Variants in TPO observed in about 807,000 individuals in gnomAD.
TPO encodes thyroid microsomal antigen.
Under a neutral mutation model 96.9 loss-of-function variants are expected in TPO, and 78 were observed. The observed-to-expected ratio is 0.81, with a 90% confidence interval of 0.67 to 0.97. The LOEUF is 0.97. Among genes scored for constraint, TPO ranks in the 50% least tolerant of loss-of-function variants. The pLI is 0.00. For missense variants in TPO, 1,252 were observed against 1,274.8 expected (o/e 0.98, Z 0.27); for synonymous variants, 547 against 538.0 (o/e 1.02, Z -0.23).
chr2:1,379,331 TGAACATAA>T (rs1476418529), intron 1 of TPO, among the ~76,000 whole-genome samples: 2 of 152,076 alleles, frequency 1.3e-5, no homozygotes, highest in Admixed American at 1.3e-4. Context: ...GCAAGGAGAT[TGAACATAA>T]GAGTGAGTGA....
chr2:1,422,837 G>C (rs1269688149), intron 2 of TPO, among the ~76,000 whole-genome samples: 1 of 152,164 alleles, frequency 6.6e-6, no homozygotes, highest in African/African-American at 2.4e-5. Flanking sequence ...CATCCTCCAG[G>C]CAGCTCCGTG....
intron 15 of TPO, among the ~76,000 whole-genome samples, chr2:1,540,224 C>T (rs769511950): frequency 3.9e-5 from 6 of 152,086 alleles, no homozygotes; most frequent in Non-Finnish European, 7.3e-5. Flanking sequence ...GGATGGCGCC[C>T]GACCCAGGAA....
intron 9 of TPO, 151 bp downstream of exon 9, chr2:1,485,005 C>A: frequency 1.6e-6 from 2 of 1,274,380 alleles, no homozygotes; most frequent in South Asian, 1.4e-5. Flanking sequence ...TTTGCTGTAC[C>A]CATTAACTCG....
chr2:1,538,935 A>T (rs1680397575), intron 15 of TPO, among the ~76,000 whole-genome samples: 1 of 152,024 alleles, frequency 6.6e-6, no homozygotes, highest in Non-Finnish European at 1.5e-5. Flanking sequence ...CAGACTCCTC[A>T]CGCCAACCTC....
chr2:1,485,592 G>A (rs947332102), intron 9 of TPO, among the ~76,000 whole-genome samples: 3 of 151,476 alleles, frequency 2.0e-5, no homozygotes, highest in African/African-American at 4.9e-5. Flanking sequence ...TTTAATGATC[G>A]CCATTCTAAC....
rs911943292 is a variant in TPO, at chr2:1,458,169, A to T, written c.819+1887A>T. ...TAAGATAGCGTGTGGACACGTGTGT[A>T]TATAGGATATAATATAGTGTGTGGG... On this transcript the variant is annotated intron_variant, in intron 7 of 16. Transcript: ENST00000329066. Among the ~76,000 whole-genome samples, 9 of 151,660 alleles carry T rather than the reference A, an allele frequency of 5.9e-5. 1 individual carries two copies. Among genetic ancestry groups the T allele is most frequent in the African/African-American group, 2.2e-4 (9 of 41,154 alleles).
chr2:1,470,634 A>G (rs1361265885), intron 7 of TPO, among the ~76,000 whole-genome samples: 1 of 151,976 alleles, frequency 6.6e-6, no homozygotes, highest in Non-Finnish European at 1.5e-5. Context: ...TGTAGATAAA[A>G]TACTGCTTTA....
upstream of TPO, among the ~76,000 whole-genome samples, chr2:1,408,795 A>G (rs1438942368): frequency 6.6e-6 from 1 of 152,230 alleles, no homozygotes; most frequent in Admixed American, 6.5e-5. Flanking sequence ...CAACTTTTCA[A>G]TGAAGCATCC....
intron 3 of TPO, among the ~76,000 whole-genome samples, chr2:1,430,161 C>A (rs1664835067): frequency 6.6e-6 from 1 of 152,172 alleles, no homozygotes. Context: ...ACTTCAGAGT[C>A]TAGACCTTGG....
intron 5 of TPO, among the ~76,000 whole-genome samples, chr2:1,441,965 C>A (rs926492083): frequency 3.9e-5 from 6 of 152,166 alleles, no homozygotes; most frequent in African/African-American, 1.2e-4. Context: ...GTAATTGAAT[C>A]ATGGGGGCAG....
chr2:1,478,101 G>T, intron 8 of TPO: 2 of 985,468 alleles, frequency 2.0e-6, no homozygotes, highest in Non-Finnish European at 2.4e-6. Flanking sequence ...ATGAAGAACC[G>T]ACTCTGTGTG....
At chr2:1,496,811 C>T (rs758215716) in intron 13 of TPO, 46 bp downstream of exon 13, 27 of 1,611,812 alleles carry the variant, frequency 1.7e-5, no homozygotes, top group South Asian at 3.3e-5. Context: ...TGAATGTTTC[C>T]GATATAAGTT....
At chr2:1,537,064 G>GTGTGCAACCTCCTCAAATCCCC (rs1679888521) in intron 15 of TPO, among the ~76,000 whole-genome samples, 3 of 16,566 alleles carry the variant, frequency 1.8e-4, no homozygotes, top group Admixed American at 9.7e-4. Context: ...CCAAATCCCT[G>GTGTGCAACCTCCTCAAATCCCC]CCACTGTGTG....
chr2:1,423,121 G>A lies in TPO; in HGVS notation c.171G>A (p.Thr57=), dbSNP rs1239680578. Residue 57 remains threonine (T), a synonymous_variant, in exon 3 of 17, where the codon ACG becomes ACA. Coordinates refer to ENST00000329066, the MANE Select transcript of TPO (RefSeq NM_001206744.2). ...KRLVDTAMYA[T]MQRNLKKRGI... ...TGGTGGACACCGCCATGTACGCCAC[G>A]ATGCAGAGGTGAGCCTTGCGGAGGG... The A allele has an allele frequency of 6.2e-7, 1 of 1,613,726 alleles. No individual in the cohort carries two copies. Among genetic ancestry groups the A allele is most frequent in the Non-Finnish European group, 8.5e-7 (1 of 1,180,044 alleles).
chr2:1,411,072 C>G (rs1271135557), upstream of TPO, among the ~76,000 whole-genome samples: 2 of 152,090 alleles, frequency 1.3e-5, no homozygotes, highest in Admixed American at 1.3e-4. Context: ...CTTCCCAAGT[C>G]CCCCGTCTTC....
At chr2:1,486,709 A>G (rs1456338719) in intron 9 of TPO, among the ~76,000 whole-genome samples, 3 of 152,006 alleles carry the variant, frequency 2.0e-5, no homozygotes, top group African/African-American at 7.3e-5. Context: ...AAGCTTCCCC[A>G]TTTTTTCTTT....
At chr2:1,495,227 T>G (rs1024005191) in intron 11 of TPO, among the ~76,000 whole-genome samples, 1 of 152,166 alleles carries the variant, frequency 6.6e-6, no homozygotes, top group Non-Finnish European at 1.5e-5. Context: ...AACTTACGTA[T>G]AGTGGGGCCT....
chr2:1,492,220 T>C (rs973101609), intron 10 of TPO, among the ~76,000 whole-genome samples: 1 of 152,140 alleles, frequency 6.6e-6, no homozygotes, highest in African/African-American at 2.4e-5. Flanking sequence ...AATGGGGTGA[T>C]CTCGGCTCAC....
At chr2:1,488,112 C>G in intron 10 of TPO, 121 bp downstream of exon 10, 2 of 1,414,984 alleles carry the variant, frequency 1.4e-6, no homozygotes, top group Admixed American at 1.8e-5. Flanking sequence ...GCCTTCTAAG[C>G]AACGGCTCTT....
Sources: allele counts gnomAD v4.1 joint callset (sites outside exome capture counted in the v4.1 genomes callset), GRCh38; gene constraint gnomAD v4.1.1; transcripts MANE v1.5; gene names NCBI Gene and HGNC (gene_info 2026-07-23, HGNC 2026-07-21).